Variants in ZNF780B observed in about 807,000 individuals in gnomAD.
ZNF780B encodes the protein zinc finger protein 780B.
Under a neutral mutation model 74.1 loss-of-function variants are expected in ZNF780B, and 52 were observed. The ratio of observed to expected loss-of-function variants is 0.70; its 90% CI spans 0.56 to 0.88. The LOEUF (loss-of-function observed/expected upper bound fraction) is 0.88. Among genes scored for constraint, ZNF780B ranks in the 40% least tolerant of loss-of-function variants. The probability of loss-of-function intolerance (pLI) is 0.00; values close to 1 mark genes in which losing one functional copy is unlikely to be tolerated. For synonymous variants in ZNF780B, 315 were observed against 324.3 expected (o/e 0.97, Z 0.31); for missense variants, 953 against 1,007.6 (o/e 0.95, Z 0.73).
At chr19:40,041,828 A>G (rs569491477) in intron 4 of ZNF780B, among the ~76,000 whole-genome samples, 13 of 152,260 alleles carry the variant, frequency 8.5e-5, no homozygotes, top group African/African-American at 2.9e-4. Context: ...TTTCCTGAAT[A>G]CAGCACACTG....
chr19:40,034,151 A>T lies in ZNF780B; in HGVS notation c.*206T>A. On this transcript the variant is annotated 3_prime_UTR_variant, in exon 5 of 5. Transcript: ENST00000434248. Reference sequence around the variant, plus strand: ...ACATGTTTAACAGGTTTGAACTATGACTAAAGGCTTTCCCACATTCTTCAC... The same window carrying T: ...ACATGTTTAACAGGTTTGAACTATGTCTAAAGGCTTTCCCACATTCTTCAC... The T allele has an allele frequency of 1.6e-6, 1 of 643,814 alleles. No homozygotes were observed. The highest frequency in any genetic ancestry group is 2.8e-6 in the Non-Finnish European group (1 of 358,164). 39.9% of individuals were successfully genotyped at this position (643,814 alleles called of 1,614,324 possible).
rs34975062 is a variant in ZNF780B at position 40,032,717 on chromosome 19, CAA to C, written c.*1638_*1639del. On this transcript the variant is annotated 3_prime_UTR_variant, in exon 5 of 5. Coordinates refer to ENST00000434248, the MANE Select transcript of ZNF780B (RefSeq NM_001005851.3). ...TGGGCGACAGAGCGAGACTCCATCT[CAA>C]AAAAAAAAAAAAAAAAAGAGAAAAT... 0.028 allele frequency: 1,670 copies of C among 58,690 alleles called. 19 individuals are homozygous for C. The highest frequency in any genetic ancestry group is 0.12 in the South Asian group (206 of 1,736). The allele number at this position is 58,690 out of a possible 1,614,324, so 3.6% of individuals were successfully genotyped here.
intron 4 of ZNF780B, among the ~76,000 whole-genome samples, chr19:40,040,504 C>T (rs572615988): frequency 1.3e-5 from 2 of 152,308 alleles, no homozygotes; most frequent in East Asian, 3.9e-4. Context: ...CCTCCTTTTA[C>T]CTCTGGTAGA....
chr19:40,050,534 C>T (rs1311159648), intron 1 of ZNF780B, among the ~76,000 whole-genome samples, 157 bp from the exon 2 acceptor site: 1 of 152,258 alleles, frequency 6.6e-6, no homozygotes, highest in Non-Finnish European at 1.5e-5. Flanking sequence ...CCTACACACA[C>T]TCTCACAAAT....
Position 40,032,954 on chromosome 19 carries a change from CAA to C in ZNF780B, c.*1401_*1402del, listed in dbSNP as rs1972063206. 6.6e-6 allele frequency: 1 copy of C among 152,326 alleles called. No homozygotes were observed. 9.4% of individuals were successfully genotyped at this position (152,326 alleles called of 1,614,324 possible). ...TTCTCAATGGTCTAAAACTTATTCT[CAA>C]TGGTACAACAAATATACAAAAAATA... On this transcript the variant is annotated 3_prime_UTR_variant, in exon 5 of 5. Coordinates refer to ENST00000434248, the MANE Select transcript of ZNF780B (RefSeq NM_001005851.3).
At chr19:40,055,303 G>T (rs1973443211) in intron 1 of ZNF780B, 1 of 152,096 alleles carries the variant, frequency 6.6e-6, no homozygotes. Context: ...CACAATGGGA[G>T]GGGGCAAGAA....
In ZNF780B at chr19:40,035,828, A is replaced by T; in HGVS notation, c.1031T>A (p.Leu344His). The change falls in exon 5 of 5, where the codon CTT becomes CAT. Residue 344 changes from leucine (L) to histidine (H), a missense_variant. Leu to His is a moderately conservative substitution (Grantham distance 99). Transcript: ENST00000434248. ...ECKECRKAFT[L>H]LTKLVRHQKI... ...CTGATGTCGAACAAGCTTTGTCAGA[A>T]GAGTAAAGGCCTTTCTGCATTCTTT... 6.2e-7 allele frequency: 1 copy of T among 1,614,098 alleles called. No homozygotes were observed. Among genetic ancestry groups the T allele is most frequent in the South Asian group, 1.1e-5 (1 of 91,086 alleles).
intron 3 of ZNF780B, among the ~76,000 whole-genome samples, 155 bp from the exon 4 acceptor site, chr19:40,047,625 TAAA>T (rs371269163): frequency 7.1e-6 from 1 of 141,692 alleles, no homozygotes. Context: ...CAACTATGTT[TAAA>T]AAAAAAAAAA....
At chr19:40,042,099 C>T (rs1175741355) in intron 4 of ZNF780B, among the ~76,000 whole-genome samples, 1 of 152,098 alleles carries the variant, frequency 6.6e-6, no homozygotes, top group African/African-American at 2.4e-5. Flanking sequence ...TAGGGCAGGC[C>T]TGGTGGTGAC....
chr19:40,038,066 C>A (rs1319988234), intron 4 of ZNF780B, among the ~76,000 whole-genome samples: 1 of 151,992 alleles, frequency 6.6e-6, no homozygotes, highest in East Asian at 1.9e-4. Context: ...CTCCCCACCT[C>A]CTCCCACCCC....
At position 40,042,289 on chromosome 19, in the gene ZNF780B, T is replaced by C. The variant is rs907143538; in HGVS notation, c.232+5086A>G. ...GAGATCCGCTGTTAGTTTGATGGGC[T>C]TCCCTTTGTGGGTAACCCGACCTTA... On this transcript the variant is annotated intron_variant, in intron 4 of 4. Coordinates refer to ENST00000434248, the MANE Select transcript of ZNF780B (RefSeq NM_001005851.3). Among the ~76,000 whole-genome samples, 29 of 152,348 alleles carry C rather than the reference T, an allele frequency of 1.9e-4. 1 individual carries two copies. Among genetic ancestry groups the C allele is most frequent in the East Asian group, 1.9e-4 (1 of 5,192 alleles).
At chr19:40,044,959 C>T (rs1972863561) in intron 4 of ZNF780B, among the ~76,000 whole-genome samples, 3 of 152,066 alleles carry the variant, frequency 2.0e-5, no homozygotes, top group African/African-American at 7.2e-5. Flanking sequence ...AAACTCTTCT[C>T]ACTGGTAAAG....
rs1018666625 is a variant in ZNF780B at position 40,030,297 on chromosome 19, G to C, written c.*4060C>G. On this transcript the variant is annotated 3_prime_UTR_variant, in exon 5 of 5. Transcript: ENST00000434248. ...CATCACATGGCAAGAGAGGAAGCAA[G>C]AGGGTGAGGAAGGAGGTGCCAGGCT... 1 of 152,586 alleles carries C rather than the reference G, an allele frequency of 6.6e-6. No individual in the cohort carries two copies. The highest frequency in any genetic ancestry group is 2.1e-4 in the South Asian group (1 of 4,838). 9.5% of individuals were successfully genotyped at this position (152,586 alleles called of 1,614,324 possible).
Position 40,034,820 on chromosome 19 carries a change from C to T in ZNF780B, c.2039G>A (p.Arg680His), listed in dbSNP as rs371342492. 4.5e-5 allele frequency: 72 copies of T among 1,612,132 alleles called. No homozygotes were observed. The African/African-American group carries it at 7.4e-4, about 17-fold the overall frequency. ...CTGATGCTGAATAAGGTTTGAAACACGACTAAAGCCTTTCCCACACTCCTT... is the reference window on the plus strand; with the variant it reads ...CTGATGCTGAATAAGGTTTGAAACATGACTAAAGCCTTTCCCACACTCCTT... ...ECKECGKGFS[R>H]VSNLIQHQKT... Residue 680 changes from arginine to histidine, a missense_variant, in exon 5 of 5, where the codon CGT (arginine) becomes CAT (histidine). By Grantham distance (29) the Arg-to-His change is conservative. Coordinates refer to ENST00000434248, the MANE Select transcript of ZNF780B (RefSeq NM_001005851.3).
chr19:40,040,022 A>G (rs1206933939), intron 4 of ZNF780B, among the ~76,000 whole-genome samples: 2 of 152,066 alleles, frequency 1.3e-5, no homozygotes, highest in East Asian at 1.9e-4. Flanking sequence ...GTTTTTGCCC[A>G]TTCAGTATGA....
chr19:40,038,120 T>A (rs1459731114), intron 4 of ZNF780B, among the ~76,000 whole-genome samples: 2 of 152,068 alleles, frequency 1.3e-5, no homozygotes, highest in African/African-American at 4.8e-5. Context: ...TGTGTCCATA[T>A]GTTCTCATTG....
chr19:40,037,271 A>G (rs964629257), intron 4 of ZNF780B, among the ~76,000 whole-genome samples: 1 of 148,820 alleles, frequency 6.7e-6, no homozygotes, highest in Non-Finnish European at 1.5e-5. Flanking sequence ...CATAGGCTAT[A>G]GTGCAATGGC....
Position 40,036,242 on chromosome 19 carries a change from A to T in ZNF780B, c.617T>A (p.Ile206Lys), listed in dbSNP as rs1371611753. ...AAATTTCTGATGTCGAGTAAGTTGT[A>T]TGTGAAGTTGAAAGGCTTTCCCACA... Reference protein sequence around the residue: ...KECGKAFQLHIQLTRHQKFHT... With the variant: ...KECGKAFQLHKQLTRHQKFHT... The change falls in exon 5 of 5, where the codon ATA (isoleucine) becomes AAA (lysine). Residue 206 changes from isoleucine to lysine, a missense_variant. Transcript: ENST00000434248. 1.2e-6 allele frequency: 2 copies of T among 1,612,038 alleles called. No individual in the cohort carries two copies. The highest frequency in any genetic ancestry group is 2.7e-5 in the African/African-American group (2 of 74,788).
chr19:40,035,676 C>A lies in ZNF780B; in HGVS notation c.1183G>T (p.Gly395Trp), dbSNP rs1202201034. The change falls in exon 5 of 5, where the codon GGG (glycine) becomes TGG (tryptophan). Residue 395 changes from glycine to tryptophan, a missense_variant. Transcript: ENST00000434248. ...TTTGAACTACGATTAAAGGACTTCCCACATTCTTTACATTCAAATGGTTTT... is the reference window on the plus strand; with the variant it reads ...TTTGAACTACGATTAAAGGACTTCCAACATTCTTTACATTCAAATGGTTTT... ...GEKPFECKEC[G>W]KSFNRSSNLI... 6.2e-7 allele frequency: 1 copy of A among 1,613,972 alleles called. No individual in the cohort carries two copies. Among genetic ancestry groups the A allele is most frequent in the Admixed American group, 1.7e-5 (1 of 59,994 alleles).
Sources: gnomAD v4.1 joint callset for allele counts (sites outside exome capture counted in the v4.1 genomes callset) on GRCh38, gnomAD v4.1.1 for gene constraint, MANE v1.5 for transcripts, NCBI Gene and HGNC (gene_info 2026-07-23, HGNC 2026-07-21) for gene names.